SYTL3: variants seen among roughly 807,000 people sequenced by gnomAD.
The protein encoded by SYTL3 is synaptotagmin-like protein 3.
SYTL3 carries 88 observed loss-of-function variants against 82.1 expected under a neutral mutation model. The ratio of observed to expected loss-of-function variants is 1.07; its 90% CI spans 0.90 to 1.28. The LOEUF (loss-of-function observed/expected upper bound fraction) is 1.28, where lower values mean the gene tolerates loss of function less well. Among genes scored for constraint, SYTL3 ranks in the 50% most tolerant of loss-of-function variants. SYTL3 has a pLI of 0.00. For missense variants in SYTL3, 831 were observed against 757.6 expected, an observed-to-expected ratio of 1.10 and a Z score of -1.14; for synonymous variants, 311 against 289.4, an observed-to-expected ratio of 1.07 and a Z score of -0.76.
Position 158,708,499 on chromosome 6 carries a change from G to C in SYTL3, c.516+108G>C. ...CCGGGCACGGAACCTCCCAGCAAAGGGATCTGACTGTGCCTGGAGCGGGTC... is the reference window on the plus strand; with the variant it reads ...CCGGGCACGGAACCTCCCAGCAAAGCGATCTGACTGTGCCTGGAGCGGGTC... On this transcript the variant is annotated intron_variant, in intron 8 of 17. Coordinates refer to ENST00000611299, the MANE Select transcript of SYTL3 (RefSeq NM_001242394.2). 3.8e-6 allele frequency: 4 copies of C among 1,059,884 alleles called. No individual in the cohort carries two copies. The South Asian group carries it at 5.2e-5, about 14-fold the overall frequency. The allele number at this position is 1,059,884 out of a possible 1,614,324, so 65.7% of individuals were successfully genotyped here.
chr6:158,722,856 C>T lies in SYTL3; in HGVS notation c.721-2647C>T, dbSNP rs545630282. ...TCTGGGCTCACTGCAACCTCCGCCTCCCAGGTTCAAGCCATTCTCCTGTCT... is the reference window on the plus strand; with the variant it reads ...TCTGGGCTCACTGCAACCTCCGCCTTCCAGGTTCAAGCCATTCTCCTGTCT... On this transcript the variant is annotated intron_variant, in intron 10 of 17. Transcript: ENST00000611299. Among the ~76,000 whole-genome samples, 44 of 149,790 alleles carry T rather than the reference C, an allele frequency of 2.9e-4. No homozygotes were observed. The South Asian group carries it at 9.1e-3, about 31-fold the overall frequency.
At chr6:158,760,814 C>A in intron 15 of SYTL3, 69 bp downstream of exon 15, 1 of 1,285,280 alleles carries the variant, frequency 7.8e-7, no homozygotes, top group Non-Finnish European at 1.1e-6. Flanking sequence ...TGCAGGCAGA[C>A]TGAGGTGGGG....
intron 6 of SYTL3, among the ~76,000 whole-genome samples, chr6:158,695,515 G>T (rs1780464222): frequency 6.6e-6 from 1 of 152,074 alleles, no homozygotes; most frequent in South Asian, 2.1e-4. Context: ...ATAACTTCAT[G>T]TTCATTTTTA....
At chr6:158,646,312 C>T (rs1787455686), upstream of SYTL3, among the ~76,000 whole-genome samples, 1 of 152,122 alleles carries the variant, frequency 6.6e-6, no homozygotes, top group Non-Finnish European at 1.5e-5. Flanking sequence ...ATTCCAGGCA[C>T]TAGCCACCAC....
intron 4 of SYTL3, chr6:158,663,754 A>C: frequency 3.4e-6 from 1 of 292,048 alleles, no homozygotes; most frequent in Non-Finnish European, 5.1e-6. Flanking sequence ...TTCCTACCTC[A>C]TTTTTGACGG....
rs774140637 is a variant in SYTL3, at chr6:158,764,596, C to G, written c.1825C>G (p.Leu609Val). The change falls in exon 18 of 18, where the codon CTG becomes GTG. Residue 609 changes from leucine (L) to valine (V), a missense_variant. Transcript: ENST00000611299. ...PNLWTDMTLVLH is the reference protein window; with the variant it reads ...PNLWTDMTLVVH ...TCTATGGACAGACATGACTCTTGTC[C>G]TGCACTGACATGAAGGCCTCAAGGT... The G allele has an allele frequency of 2.5e-6, 4 of 1,613,092 alleles. 1 individual carries two copies. The South Asian group carries it at 4.4e-5, about 18-fold the overall frequency.
chr6:158,654,284 C>G (rs931402720), intron 2 of SYTL3, among the ~76,000 whole-genome samples: 1 of 152,190 alleles, frequency 6.6e-6, no homozygotes, highest in Non-Finnish European at 1.5e-5. Flanking sequence ...TGGGATGGGT[C>G]CTTCTTAAAT....
intron 6 of SYTL3, among the ~76,000 whole-genome samples, chr6:158,697,900 A>G (rs73797083): frequency 0.021 from 3,190 of 152,308 alleles, 109 homozygotes; most frequent in African/African-American, 0.073. Flanking sequence ...TAAGCAGAAG[A>G]GTAATGTCTG....
In SYTL3 at chr6:158,663,208, G is replaced by T. The variant is rs797000154; in HGVS notation, c.-61G>T. 4.7e-6 allele frequency: 7 copies of T among 1,493,200 alleles called. No homozygotes were observed. The African/African-American group carries it at 8.3e-5, about 18-fold the overall frequency. 92.5% of individuals were successfully genotyped at this position (1,493,200 alleles called of 1,614,324 possible). On this transcript the variant is annotated 5_prime_UTR_variant, in exon 4 of 18. Coordinates refer to ENST00000611299, the MANE Select transcript of SYTL3 (RefSeq NM_001242394.2). ...GGCCTCCGCCGCTCATCTGCAGGGCGTGAGCGCTTGGTCCATGCAGTGAAG... is the reference window on the plus strand; with the variant it reads ...GGCCTCCGCCGCTCATCTGCAGGGCTTGAGCGCTTGGTCCATGCAGTGAAG...
intron 5 of SYTL3, among the ~76,000 whole-genome samples, chr6:158,680,575 CAAAAAAA>C (rs71297002): frequency 1.3e-5 from 1 of 78,262 alleles, no homozygotes; most frequent in Non-Finnish European, 2.6e-5. Flanking sequence ...CCCGTCTCTA[CAAAAAAA>C]AAAAAAAAAA....
chr6:158,677,582 G>A (rs1583202082), intron 5 of SYTL3, among the ~76,000 whole-genome samples: 1 of 151,894 alleles, frequency 6.6e-6, no homozygotes, highest in African/African-American at 2.4e-5. Context: ...GTGGGTGCCT[G>A]TAACCCCAGC....
rs541677337 is a variant in SYTL3, at chr6:158,663,344, C to T, written c.76C>T (p.Gln26Ter). The change falls in exon 4 of 18, where the codon CAG (glutamine) becomes TAG (stop). Residue 26 changes from glutamine (Q) to a stop codon, truncating the protein, a stop_gained. Coordinates refer to ENST00000611299, the MANE Select transcript of SYTL3 (RefSeq NM_001242394.2). LOFTEE classifies it high-confidence loss of function. ...EAILQVLYRD[Q>*]AVQNTEEERT... ...CATTCTCCAGGTCCTGTACCGAGACCAGGCGGTTCAAAACACAGAGGAGGA... is the reference window on the plus strand; with the variant it reads ...CATTCTCCAGGTCCTGTACCGAGACTAGGCGGTTCAAAACACAGAGGAGGA... 3 of 1,614,018 alleles carry T rather than the reference C, an allele frequency of 1.9e-6. No individual in the cohort carries two copies. In the South Asian group the frequency reaches 3.3e-5, roughly 18 times the overall value.
In SYTL3 at chr6:158,707,296, G is replaced by C. The variant is rs759624935; in HGVS notation, c.446+15G>C. The C allele has an allele frequency of 1.1e-5, 17 of 1,613,384 alleles. No homozygotes were observed. The Middle Eastern group carries it at 8.3e-4, about 79-fold the overall frequency. On this transcript the variant is annotated intron_variant, in intron 7 of 17. Coordinates refer to ENST00000611299, the MANE Select transcript of SYTL3 (RefSeq NM_001242394.2). The stretch of plus-strand genomic sequence containing the variant: ...CAGAAGCTGAGGTGAGTGTTACAAA[G>C]GACAGACCGTCCCTGGCCCTCCGGG...
chr6:158,739,938 G>C (rs1786710438), intron 11 of SYTL3, among the ~76,000 whole-genome samples: 1 of 146,364 alleles, frequency 6.8e-6, no homozygotes. Flanking sequence ...CTGATCTTAT[G>C]TTAATTTAAT....
chr6:158,740,820 A>G (rs553192614), intron 11 of SYTL3, among the ~76,000 whole-genome samples: 124 of 152,328 alleles, frequency 8.1e-4, no homozygotes, highest in Non-Finnish European at 1.4e-3. Flanking sequence ...ATCTTTATTA[A>G]TAAAAGTAGG....
chr6:158,718,825 T>G (rs958102830), intron 10 of SYTL3, among the ~76,000 whole-genome samples: 1 of 152,218 alleles, frequency 6.6e-6, no homozygotes, highest in Non-Finnish European at 1.5e-5. Flanking sequence ...CTGAGGTGCC[T>G]TGGCTGGGCA....
At chr6:158,693,470 C>G (rs1780141742) in intron 6 of SYTL3, among the ~76,000 whole-genome samples, 1 of 152,190 alleles carries the variant, frequency 6.6e-6, no homozygotes, top group African/African-American at 2.4e-5. Context: ...TCACTGCAAC[C>G]TCTGCCTCCC....
intron 6 of SYTL3, among the ~76,000 whole-genome samples, chr6:158,685,907 A>G (rs917110444): frequency 5.9e-5 from 9 of 152,198 alleles, no homozygotes; most frequent in African/African-American, 1.9e-4. Context: ...TTCCACATCA[A>G]TTCCTAGCTT....
intron 13 of SYTL3, among the ~76,000 whole-genome samples, chr6:158,756,237 C>T (rs747350316): frequency 6.6e-6 from 1 of 152,170 alleles, no homozygotes; most frequent in Non-Finnish European, 1.5e-5. Context: ...AATGGGTTCC[C>T]TCGTCACTCT....
Sources: allele counts gnomAD v4.1 joint callset (sites outside exome capture counted in the v4.1 genomes callset), GRCh38; gene constraint gnomAD v4.1.1; transcripts MANE v1.5; gene names NCBI Gene and HGNC (gene_info 2026-07-23, HGNC 2026-07-21).